Variants in ARB2A observed in about 807,000 individuals in gnomAD.
The protein encoded by ARB2A is cotranscriptional regulator ARB2A.
the ARB2A span, among the ~76,000 whole-genome samples, chr5:93,762,578 G>C: frequency 2.0e-5 from 3 of 152,238 alleles, no homozygotes; most frequent in Non-Finnish European, 2.9e-5. Context: ...TGTCTGATTG[G>C]TGTACCTGAA....
the ARB2A span, among the ~76,000 whole-genome samples, chr5:93,947,771 G>T: frequency 3.4e-5 from 5 of 147,202 alleles, no homozygotes; most frequent in Non-Finnish European, 7.4e-5. Flanking sequence ...GCAGTGTTTG[G>T]TTTTTTGTTC....
chr5:93,976,028 A>G, the ARB2A span, among the ~76,000 whole-genome samples: 1 of 152,306 alleles, frequency 6.6e-6, no homozygotes, highest in African/African-American at 2.4e-5. Flanking sequence ...AGCACATCAA[A>G]AAGTTAATTC....
the ARB2A span, chr5:93,621,101 C>G: frequency 6.2e-7 from 1 of 1,612,108 alleles, no homozygotes. Context: ...GAAAGCTCTT[C>G]CAGGAAGTTA....
the ARB2A span, among the ~76,000 whole-genome samples, chr5:93,757,199 T>C: frequency 3.9e-5 from 6 of 152,022 alleles, no homozygotes; most frequent in Admixed American, 1.3e-4. Flanking sequence ...TAAGAAAATA[T>C]GAACAAAGCC....
At chr5:93,768,342 T>A in the ARB2A span, among the ~76,000 whole-genome samples, 18 of 149,894 alleles carry the variant, frequency 1.2e-4, no homozygotes, top group Admixed American at 1.1e-3. Flanking sequence ...CCCAATAACC[T>A]ATGGGAAAAA....
At chr5:94,069,928 C>T in the ARB2A span, among the ~76,000 whole-genome samples, 10 of 152,144 alleles carry the variant, frequency 6.6e-5, no homozygotes, top group Non-Finnish European at 1.3e-4. Context: ...CCAGCATGTG[C>T]ACTACTAGGT....
chr5:93,793,239 A>ATTTTT, the ARB2A span, among the ~76,000 whole-genome samples: 6 of 64,780 alleles, frequency 9.3e-5, no homozygotes, highest in Admixed American at 2.6e-4. Context: ...CTTCTGGCTA[A>ATTTTT]TTTTTTTTTT....
the ARB2A span, among the ~76,000 whole-genome samples, chr5:93,933,745 T>C: frequency 6.6e-6 from 1 of 152,208 alleles, no homozygotes; most frequent in East Asian, 1.9e-4. Flanking sequence ...GGCATGTGTA[T>C]ACCTATGTAA....
At chr5:94,055,032 C>T in the ARB2A span, among the ~76,000 whole-genome samples, 1 of 152,136 alleles carries the variant, frequency 6.6e-6, no homozygotes, top group Non-Finnish European at 1.5e-5. Context: ...CTTTCCTGTA[C>T]CAGCCCTAGA....
the ARB2A span, among the ~76,000 whole-genome samples, chr5:93,875,054 T>C: frequency 6.6e-6 from 1 of 152,172 alleles, no homozygotes; most frequent in Admixed American, 6.5e-5. Flanking sequence ...ACTCCTAGGC[T>C]CAAGAGATGC....
At chr5:93,982,056 A>G in the ARB2A span, among the ~76,000 whole-genome samples, 1 of 152,146 alleles carries the variant, frequency 6.6e-6, no homozygotes, top group Non-Finnish European at 1.5e-5. Flanking sequence ...ATTTCATATT[A>G]CTGGCCAAGA....
the ARB2A span, among the ~76,000 whole-genome samples, chr5:93,807,013 A>C: frequency 6.6e-6 from 1 of 152,000 alleles, no homozygotes; most frequent in African/African-American, 2.4e-5. Flanking sequence ...CACATTTCTA[A>C]ATCTTTGCCA....
chr5:94,045,106 A>C, the ARB2A span, among the ~76,000 whole-genome samples: 1 of 89,694 alleles, frequency 1.1e-5, no homozygotes, highest in African/African-American at 4.1e-5. Context: ...CAACAGAGCA[A>C]GACTCCATCT....
At chr5:93,678,163 T>C in the ARB2A span, among the ~76,000 whole-genome samples, 1 of 152,208 alleles carries the variant, frequency 6.6e-6, no homozygotes, top group East Asian at 1.9e-4. Flanking sequence ...TACTGTTTGT[T>C]ATACAGAGAA....
the ARB2A span, among the ~76,000 whole-genome samples, chr5:94,102,538 C>A: frequency 1.3e-5 from 2 of 152,030 alleles, no homozygotes; most frequent in Non-Finnish European, 2.9e-5. Context: ...ACAGACCAAA[C>A]ATATGACACA....
At chr5:93,851,539 G>A in the ARB2A span, among the ~76,000 whole-genome samples, 1 of 152,162 alleles carries the variant, frequency 6.6e-6, no homozygotes, top group South Asian at 2.1e-4. Flanking sequence ...TGCCATGCTG[G>A]TGTGCTGCAC....
chr5:93,993,559 C>G, the ARB2A span, among the ~76,000 whole-genome samples: 1 of 151,992 alleles, frequency 6.6e-6, no homozygotes, highest in Non-Finnish European at 1.5e-5. Context: ...TATAAATGCA[C>G]TGACATAAAA....
At chr5:93,808,373 T>C in the ARB2A span, among the ~76,000 whole-genome samples, 2 of 150,904 alleles carry the variant, frequency 1.3e-5, no homozygotes, top group South Asian at 2.1e-4. Context: ...GTTTTAAGTA[T>C]GTTTGTATTC....
the ARB2A span, among the ~76,000 whole-genome samples, chr5:93,790,835 A>G: frequency 6.6e-6 from 1 of 152,216 alleles, no homozygotes; most frequent in Non-Finnish European, 1.5e-5. Flanking sequence ...AAAAGTATGC[A>G]TAGGCTTTAG....
Sources: gnomAD v4.1 joint callset for allele counts (sites outside exome capture counted in the v4.1 genomes callset) on GRCh38, gnomAD v4.1.1 for gene constraint, MANE v1.5 for transcripts, NCBI Gene and HGNC (gene_info 2026-07-23, HGNC 2026-07-21) for gene names.